The following KHDRBS2 variants were observed in gnomAD, a reference collection of about 807,000 sequenced individuals.
KHDRBS2 encodes the protein KH domain-containing, RNA-binding, signal transduction-associated protein 2.
In KHDRBS2, 26 loss-of-function variants were observed where a neutral mutation model predicts 44.3. The observed-to-expected ratio is 0.59, with a 90% CI of 0.43 to 0.81. The LOEUF (loss-of-function observed/expected upper bound fraction) is 0.81, where lower values mean the gene tolerates loss of function less well. Ranked by LOEUF, KHDRBS2 falls within the 40% of genes least tolerant of loss-of-function variation. The pLI, the probability that KHDRBS2 is intolerant of heterozygous loss-of-function variation, is 0.00. For missense variants in KHDRBS2, 476 were observed against 433.1 expected (o/e 1.10, Z -0.88); for synonymous variants, 194 against 151.1 (o/e 1.28, Z -2.08).
chr6:61,554,031 T>C, the KHDRBS2 span, among the ~76,000 whole-genome samples: 10 of 152,142 alleles, frequency 6.6e-5, no homozygotes, highest in Non-Finnish European at 1.2e-4. Flanking sequence ...TTGTCAAGCA[T>C]TGAGTTCATG....
chr6:61,887,030 G>T (rs1315848526), intron 6 of KHDRBS2, among the ~76,000 whole-genome samples: 1 of 152,148 alleles, frequency 6.6e-6, no homozygotes, highest in Non-Finnish European at 1.5e-5. Flanking sequence ...GTGAAACTGT[G>T]TGAGTTCTTT....
intron 2 of KHDRBS2, among the ~76,000 whole-genome samples, chr6:62,176,822 A>C (rs1261291910): frequency 6.6e-6 from 1 of 151,356 alleles, no homozygotes. Context: ...TTACATATTT[A>C]GTATTATTAA....
At chr6:61,906,285 T>A (rs910973275) in intron 4 of KHDRBS2, among the ~76,000 whole-genome samples, 1 of 152,176 alleles carries the variant, frequency 6.6e-6, no homozygotes, top group African/African-American at 2.4e-5. Flanking sequence ...TATGTATATA[T>A]TTTTATAGAG....
At chr6:62,012,932 T>C (rs772230426) in intron 3 of KHDRBS2, among the ~76,000 whole-genome samples, 1 of 152,192 alleles carries the variant, frequency 6.6e-6, no homozygotes, top group Non-Finnish European at 1.5e-5. Flanking sequence ...GAGATGTTTG[T>C]CTTGTTCAGG....
intron 4 of KHDRBS2, among the ~76,000 whole-genome samples, chr6:61,968,559 A>G (rs907903401): frequency 3.9e-5 from 6 of 152,076 alleles, no homozygotes; most frequent in African/African-American, 1.4e-4. Flanking sequence ...ACTAAAAGCA[A>G]TATTGGCAAG....
chr6:61,656,747 G>A, the KHDRBS2 span, among the ~76,000 whole-genome samples: 2 of 151,794 alleles, frequency 1.3e-5, no homozygotes, highest in African/African-American at 4.8e-5. Context: ...GTATGCGCCG[G>A]TGCCAGCACA....
intron 4 of KHDRBS2, among the ~76,000 whole-genome samples, chr6:61,943,726 G>A (rs989275152): frequency 6.6e-6 from 1 of 152,070 alleles, no homozygotes; most frequent in Non-Finnish European, 1.5e-5. Flanking sequence ...TTATTGAATG[G>A]TAGAAAATAT....
chr6:62,218,669 A>C (rs1438872850), intron 1 of KHDRBS2, among the ~76,000 whole-genome samples: 1 of 151,862 alleles, frequency 6.6e-6, no homozygotes, highest in African/African-American at 2.4e-5. Context: ...CAATCTCAAC[A>C]TGGGGTATCT....
At chr6:62,104,476 G>T (rs1023185297) in intron 2 of KHDRBS2, among the ~76,000 whole-genome samples, 4 of 151,900 alleles carry the variant, frequency 2.6e-5, no homozygotes, top group Non-Finnish European at 5.9e-5. Context: ...GAATAAAATT[G>T]GGTATCAGTA....
chr6:61,944,662 GTTGCC>G (rs1812830441), intron 4 of KHDRBS2, among the ~76,000 whole-genome samples: 1 of 152,054 alleles, frequency 6.6e-6, no homozygotes. Context: ...GACTTGAAAT[GTTGCC>G]AACACATAGA....
chr6:61,556,857 G>A, the KHDRBS2 span, among the ~76,000 whole-genome samples: 5 of 138,744 alleles, frequency 3.6e-5, no homozygotes, highest in Non-Finnish European at 3.1e-5. Flanking sequence ...AAGGACATCC[G>A]TAAGTGAAAT....
chr6:62,050,590 T>TCACA (rs150450275), intron 2 of KHDRBS2, among the ~76,000 whole-genome samples: 10 of 151,478 alleles, frequency 6.6e-5, no homozygotes, highest in African/African-American at 2.4e-4. Flanking sequence ...ATGGTAAATC[T>TCACA]CACACACACA....
chr6:61,793,642 T>C (rs1784924421), intron 6 of KHDRBS2, among the ~76,000 whole-genome samples: 1 of 152,010 alleles, frequency 6.6e-6, no homozygotes, highest in Non-Finnish European at 1.5e-5. Flanking sequence ...TCTATGGGGG[T>C]ATGTTATATT....
At chr6:61,880,239 G>T (rs1800014971) in intron 6 of KHDRBS2, among the ~76,000 whole-genome samples, 1 of 151,864 alleles carries the variant, frequency 6.6e-6, no homozygotes, top group South Asian at 2.1e-4. Context: ...GGAGATGAAA[G>T]CTGAAATTGT....
chr6:61,962,585 T>C (rs1768983092), intron 4 of KHDRBS2, among the ~76,000 whole-genome samples: 1 of 152,118 alleles, frequency 6.6e-6, no homozygotes, highest in African/African-American at 2.4e-5. Context: ...CACTAACTTT[T>C]TCAACATTAA....
chr6:62,138,065 G>T (rs569269468), intron 2 of KHDRBS2, among the ~76,000 whole-genome samples: 2 of 152,110 alleles, frequency 1.3e-5, no homozygotes, highest in Non-Finnish European at 2.9e-5. Context: ...TTTAACTGAC[G>T]TGTGGGCTGA....
chr6:61,882,057 T>G (rs1416418356), intron 6 of KHDRBS2, among the ~76,000 whole-genome samples: 2 of 152,084 alleles, frequency 1.3e-5, no homozygotes, highest in Admixed American at 6.6e-5. Context: ...AGGAAGAAAG[T>G]GAGAACATTA....
chr6:61,872,412 A>C (rs1798788290), intron 6 of KHDRBS2, among the ~76,000 whole-genome samples: 1 of 152,142 alleles, frequency 6.6e-6, no homozygotes, highest in Non-Finnish European at 1.5e-5. Context: ...ACATAAGAAA[A>C]ATAAGAAATA....
intron 3 of KHDRBS2, among the ~76,000 whole-genome samples, chr6:61,995,388 C>A (rs1292014847): frequency 6.6e-6 from 1 of 152,068 alleles, no homozygotes; most frequent in Non-Finnish European, 1.5e-5. Context: ...TTCTAACATA[C>A]AACGTATGAT....
Sources: allele counts gnomAD v4.1 joint callset (sites outside exome capture counted in the v4.1 genomes callset), GRCh38; gene constraint gnomAD v4.1.1; transcripts MANE v1.5; gene names NCBI Gene and HGNC (gene_info 2026-07-23, HGNC 2026-07-21).